UCP1: variants seen among roughly 807,000 people sequenced by gnomAD.
The protein encoded by UCP1 is uncoupling protein 1, also known as mitochondrial brown fat uncoupling protein 1.
UCP1 carries 24 observed loss-of-function variants against 26.2 expected under a neutral mutation model. That is an observed-to-expected ratio of 0.92 (90% confidence interval 0.66 to 1.29). The LOEUF (loss-of-function observed/expected upper bound fraction) is 1.29. UCP1 is among the 50% of genes most tolerant of loss of function. The pLI is 0.00. For synonymous variants in UCP1, 164 were observed against 156.8 expected (o/e 1.05, Z -0.34); for missense variants, 402 against 388.7 (o/e 1.03, Z -0.29).
intron 2 of UCP1, among the ~76,000 whole-genome samples, chr4:140,565,538 T>C (rs1462050924): frequency 6.6e-6 from 1 of 152,138 alleles, no homozygotes; most frequent in Non-Finnish European, 1.5e-5. Context: ...ACTGTAAGGA[T>C]AAAATCCAAA....
Position 140,562,210 on chromosome 4 carries a change from T to G in UCP1, c.792A>C (p.Pro264=), listed in dbSNP as rs1165016783. 1 of 1,614,220 alleles carries G rather than the reference T, an allele frequency of 6.2e-7. No individual in the cohort carries two copies. Among genetic ancestry groups the G allele is most frequent in the Non-Finnish European group, 8.5e-7 (1 of 1,180,016 alleles). Residue 264 remains proline, a synonymous_variant, in exon 5 of 6, where the codon CCA becomes CCC. Coordinates refer to ENST00000262999, the MANE Select transcript of UCP1 (RefSeq NM_021833.5). The stretch of plus-strand genomic sequence containing the variant: ...TATCTTACCCCTTGAAGAAAGCCGT[T>G]GGTCCTTCGTTAGTGAACACTTTCA... The part of the protein sequence containing the change: ...CAMKVFTNEG[P]TAFFKGLVPS...
At chr4:140,567,224 G>A (rs1735818698) in intron 2 of UCP1, among the ~76,000 whole-genome samples, 1 of 152,108 alleles carries the variant, frequency 6.6e-6, no homozygotes, top group Non-Finnish European at 1.5e-5. Flanking sequence ...TTCTGCTCTG[G>A]TCTTTCCTGG....
Position 140,562,397 on chromosome 4 carries a change from T to C in UCP1, c.629-24A>G, listed in dbSNP as rs780536639. The C allele has an allele frequency of 4.3e-6, 7 of 1,613,018 alleles. No homozygotes were observed. The Admixed American group carries it at 8.3e-5, about 19-fold the overall frequency. On this transcript the variant is annotated intron_variant, in intron 4 of 5. Transcript: ENST00000262999. ...ATCTAAAATGGATCGATGAAACAGGTCAACATCAGACTTTTGGGGGCTTGC... is the reference window on the plus strand; with the variant it reads ...ATCTAAAATGGATCGATGAAACAGGCCAACATCAGACTTTTGGGGGCTTGC...
intron 2 of UCP1, among the ~76,000 whole-genome samples, chr4:140,566,246 T>C (rs13128910): frequency 0.063 from 9,592 of 152,268 alleles, 428 homozygotes; most frequent in Non-Finnish European, 0.095. Flanking sequence ...TATTCACTTC[T>C]CCCCACACAA....
At chr4:140,563,034 T>G in intron 4 of UCP1, 76 bp downstream of exon 4, 2 of 1,109,224 alleles carry the variant, frequency 1.8e-6, no homozygotes, top group South Asian at 1.2e-5. Context: ...AGAGATTGAG[T>G]ATAAGGTGGC....
chr4:140,560,051 T>A lies in UCP1; in HGVS notation c.810-41A>T, dbSNP rs754111665. 1.6e-5 allele frequency: 22 copies of A among 1,413,038 alleles called. No individual in the cohort carries two copies. The East Asian group carries it at 5.4e-4, about 35-fold the overall frequency. 87.5% of individuals were successfully genotyped at this position (1,413,038 alleles called of 1,614,324 possible). A position where few individuals can be genotyped will look rare whatever the true frequency, so the allele number is the denominator to read the frequency against. On this transcript the variant is annotated intron_variant, in intron 5 of 5. Coordinates refer to ENST00000262999, the MANE Select transcript of UCP1 (RefSeq NM_021833.5). Reference sequence around the variant, plus strand: ...TCATCGTTCGATTAATTTGTTTGATTTTTTTTTTTTTTAATTTTTGAGATG... The same window carrying A: ...TCATCGTTCGATTAATTTGTTTGATATTTTTTTTTTTTAATTTTTGAGATG...
At position 140,568,905 on chromosome 4, in the gene UCP1, T is replaced by G. The variant is rs980122490; in HGVS notation, c.-176A>C. 11 of 957,576 alleles carry G rather than the reference T, an allele frequency of 1.1e-5. No individual in the cohort carries two copies. Among genetic ancestry groups the G allele is most frequent in the Non-Finnish European group, 1.5e-5 (10 of 655,816 alleles). The allele number at this position is 957,576 out of a possible 1,614,324, so 59.3% of individuals were successfully genotyped here. A position where few individuals can be genotyped will look rare whatever the true frequency, so the allele number is the denominator to read the frequency against. On this transcript the variant is annotated 5_prime_UTR_variant, in exon 1 of 6. Transcript: ENST00000262999. ...CGGCGGCTGCAGACGGAGCGCGGTGTTGGGGGCCGAGTCCCCGCGTCCCCT... is the reference window on the plus strand; with the variant it reads ...CGGCGGCTGCAGACGGAGCGCGGTGGTGGGGGCCGAGTCCCCGCGTCCCCT...
At chr4:140,560,711 T>C (rs1447978962) in intron 5 of UCP1, among the ~76,000 whole-genome samples, 1 of 151,554 alleles carries the variant, frequency 6.6e-6, no homozygotes, top group Non-Finnish European at 1.5e-5. Flanking sequence ...TCTCTTAACA[T>C]GTTTCTCTTC....
intron 2 of UCP1, among the ~76,000 whole-genome samples, chr4:140,565,902 G>C (rs915535877): frequency 2.0e-5 from 3 of 151,650 alleles, no homozygotes; most frequent in African/African-American, 7.2e-5. Flanking sequence ...GAACAGAGCT[G>C]AAAAATTCCT....
intron 5 of UCP1, among the ~76,000 whole-genome samples, chr4:140,560,697 C>G (rs541595565): frequency 1.3e-5 from 2 of 151,196 alleles, no homozygotes; most frequent in East Asian, 3.9e-4. Flanking sequence ...TTTTTTCCTT[C>G]AAGTCTCTTA....
Position 140,568,671 on chromosome 4 carries a change from G to A in UCP1, c.59C>T (p.Ala20Val). The change falls in exon 1 of 6, where the codon GCT becomes GTT. Residue 20 changes from alanine (A) to valine (V), a missense_variant. Physicochemically the swap from Ala to Val is moderately conservative, Grantham distance 64. Transcript: ENST00000262999. Reference sequence around the variant, plus strand: ...GTCCGCCAAGCACGCCGCTATTCCAGCTGAGAAGAGCTGGACCCCCAGGGT... The same window carrying A: ...GTCCGCCAAGCACGCCGCTATTCCAACTGAGAAGAGCTGGACCCCCAGGGT... ...HPTLGVQLFS[A>V]GIAACLADVI... 1 of 1,609,306 alleles carries A rather than the reference G, an allele frequency of 6.2e-7. No individual in the cohort carries two copies. The highest frequency in any genetic ancestry group is 8.5e-7 in the Non-Finnish European group (1 of 1,178,446).
At chr4:140,561,719 T>A (rs949015157) in intron 5 of UCP1, among the ~76,000 whole-genome samples, 1 of 152,212 alleles carries the variant, frequency 6.6e-6, no homozygotes, top group African/African-American at 2.4e-5. Context: ...CAACACTTGT[T>A]TCTAGGTGAG....
intron 2 of UCP1, among the ~76,000 whole-genome samples, chr4:140,566,199 T>C (rs1330441434): frequency 2.0e-5 from 3 of 152,232 alleles, no homozygotes; most frequent in Non-Finnish European, 2.9e-5. Flanking sequence ...AGTAGGACTG[T>C]ATTGTAATAC....
chr4:140,563,400 G>A lies in UCP1; in HGVS notation c.444C>T (p.His148=), dbSNP rs184542519. ...KVRLQAQSHL[H]GIKPRYTGTY... ...TCCCCGTGTAGCGAGGTTTGATTCC[G>A]TGGAGATGGCTCTGTGCTTGAAGTC... is the stretch of plus-strand genomic sequence containing the variant. The change falls in exon 3 of 6, where the codon CAC becomes CAT. Residue 148 remains histidine (H), a synonymous_variant. Transcript: ENST00000262999. The A allele has an allele frequency of 3.5e-5, 56 of 1,614,030 alleles. No individual in the cohort carries two copies. The highest frequency in any genetic ancestry group is 3.3e-4 in the Middle Eastern group (2 of 6,062).
intron 2 of UCP1, 68 bp downstream of exon 2, chr4:140,567,711 G>T: frequency 1.9e-6 from 3 of 1,589,924 alleles, no homozygotes; most frequent in Admixed American, 1.7e-5. Flanking sequence ...TCCTCTGTGT[G>T]TTACACTTTT....
chr4:140,562,153 C>G, intron 5 of UCP1, 40 bp downstream of exon 5: 1 of 1,612,194 alleles, frequency 6.2e-7, no homozygotes, highest in Non-Finnish European at 8.5e-7. Flanking sequence ...AGCACACAGA[C>G]AGCCAGAACA....
At chr4:140,562,046 T>C (rs763512882) in intron 5 of UCP1, 147 bp downstream of exon 5, 246 of 936,748 alleles carry the variant, frequency 2.6e-4, no homozygotes, top group Non-Finnish European at 4.0e-4. Context: ...ATTGGTGGAT[T>C]GGAGAAATCT....
rs367909350 is a variant in UCP1, at chr4:140,563,246, C to G, written c.527-35G>C. 5.5e-5 allele frequency: 88 copies of G among 1,610,956 alleles called. No homozygotes were observed. The African/African-American group carries it at 9.2e-4, about 17-fold the overall frequency. On this transcript the variant is annotated intron_variant, in intron 3 of 5. Transcript: ENST00000262999. The stretch of plus-strand genomic sequence containing the variant: ...AAAAAAAAGAAAATGTTTATTAACT[C>G]TACTTTACAATAAGTTGCTAGTTGT...
Position 140,563,187 on chromosome 4 carries a change from C to G in UCP1, c.551G>C (p.Ser184Thr). 6.2e-7 allele frequency: 1 copy of G among 1,613,088 alleles called. No individual in the cohort carries two copies. ...WKGTTPNLMR[S>T]VIINCTELVT... ...TAGCTCTGTACAATTGATGATGACACTTCTCATCAGATTGGGAGTAGTCCC... is the reference window on the plus strand; with the variant it reads ...TAGCTCTGTACAATTGATGATGACAGTTCTCATCAGATTGGGAGTAGTCCC... The change falls in exon 4 of 6, where the codon AGT becomes ACT. Residue 184 changes from serine to threonine, a missense_variant. Ser to Thr is a moderately conservative substitution (Grantham distance 58, BLOSUM62 1). Coordinates refer to ENST00000262999, the MANE Select transcript of UCP1 (RefSeq NM_021833.5).
Sources: gnomAD v4.1 joint callset for allele counts (sites outside exome capture counted in the v4.1 genomes callset) on GRCh38, gnomAD v4.1.1 for gene constraint, MANE v1.5 for transcripts, NCBI Gene and HGNC (gene_info 2026-07-23, HGNC 2026-07-21) for gene names.